P3H2: variants seen among roughly 807,000 people sequenced by gnomAD.
P3H2 encodes the protein prolyl 3-hydroxylase 2, also known as leprecan-like 1.
A neutral mutation model predicts 87.0 loss-of-function variants in P3H2; 80 were observed. The observed-to-expected ratio is 0.92, with a 90% CI of 0.77 to 1.11. The LOEUF is 1.11. Ranked by LOEUF, P3H2 falls within the 50% of genes least tolerant of loss-of-function variation. The pLI, the probability that P3H2 is intolerant of heterozygous loss-of-function variation, is 0.00. For synonymous variants in P3H2, 367 were observed against 359.3 expected (o/e 1.02, Z -0.24); for missense variants, 1,001 against 923.9 (o/e 1.08, Z -1.08).
chr3:189,960,786 T>C (rs536069555), intron 14 of P3H2, among the ~76,000 whole-genome samples: 38 of 152,304 alleles, frequency 2.5e-4, no homozygotes, highest in African/African-American at 8.9e-4. Context: ...ATTTTATGAA[T>C]TGAAAACAAA....
At chr3:189,983,220 G>A (rs1560347788) in intron 7 of P3H2, 80 bp from the exon 8 acceptor site, 1 of 1,029,124 alleles carries the variant, frequency 9.7e-7, no homozygotes, top group African/African-American at 1.6e-5. Flanking sequence ...TACCAAGGTA[G>A]TCTGTGACTC....
At chr3:189,984,729 C>T (rs558862180) in intron 6 of P3H2, 139 bp from the exon 7 acceptor site, 2 of 608,386 alleles carry the variant, frequency 3.3e-6, no homozygotes, top group Non-Finnish European at 5.7e-6. Flanking sequence ...TGTAAAGATA[C>T]AATATATTTA....
At chr3:189,970,293 A>G (rs1403084856) in intron 13 of P3H2, among the ~76,000 whole-genome samples, 1 of 138,660 alleles carries the variant, frequency 7.2e-6, no homozygotes, top group Non-Finnish European at 1.5e-5. Context: ...TATTATATAT[A>G]TATTTTTTAT....
chr3:190,032,419 C>T (rs766990905), intron 1 of P3H2, among the ~76,000 whole-genome samples: 8 of 151,904 alleles, frequency 5.3e-5, no homozygotes, highest in Non-Finnish European at 5.9e-5. Flanking sequence ...GTGATTTAGT[C>T]TCAAGAAATT....
At chr3:189,959,355 C>T (rs907445739) in intron 14 of P3H2, among the ~76,000 whole-genome samples, 3 of 150,900 alleles carry the variant, frequency 2.0e-5, no homozygotes, top group African/African-American at 7.3e-5. Context: ...GCTGCACCCA[C>T]TAACTCGTCA....
chr3:189,983,284 A>G (rs1283371767), intron 7 of P3H2, 144 bp from the exon 8 acceptor site: 2 of 647,448 alleles, frequency 3.1e-6, no homozygotes, highest in Middle Eastern at 4.1e-4. Context: ...AGTCAAATTA[A>G]ATGTCACTGC....
rs1560334750 is a variant in P3H2 at position 189,958,008 on chromosome 3, C to G, written c.2035-4G>C. The G allele has an allele frequency of 6.2e-7, 1 of 1,604,792 alleles. No homozygotes were observed. The highest frequency in any genetic ancestry group is 8.5e-7 in the Non-Finnish European group (1 of 1,171,522). Reference sequence around the variant, plus strand: ...CTTCATCAGCCTGTATTCGCTCCTGCAAAAAAGACAATTTACACATTTCTG... The same window carrying G: ...CTTCATCAGCCTGTATTCGCTCCTGGAAAAAAGACAATTTACACATTTCTG... On this transcript the variant is annotated splice_polypyrimidine_tract_variant and splice_region_variant and intron_variant, in intron 14 of 14. Coordinates refer to ENST00000319332, the MANE Select transcript of P3H2 (RefSeq NM_018192.4).
intron 1 of P3H2, among the ~76,000 whole-genome samples, chr3:189,999,178 C>A (rs568217621): frequency 6.6e-6 from 1 of 152,356 alleles, no homozygotes; most frequent in East Asian, 1.9e-4. Context: ...TTCCGTAGCT[C>A]TTGAAAACAG....
upstream of P3H2, chr3:190,121,235 A>T (rs1458029430): frequency 2.0e-5 from 3 of 152,776 alleles, no homozygotes; most frequent in Non-Finnish European, 4.4e-5. Flanking sequence ...TCACCTTCTA[A>T]ATGAAGCCTG....
Position 190,026,931 on chromosome 3 carries a change from T to A in P3H2, c.481-31489A>T, listed in dbSNP as rs967118. On this transcript the variant is annotated intron_variant, in intron 1 of 14. Coordinates refer to ENST00000319332, the MANE Select transcript of P3H2 (RefSeq NM_018192.4). ...AATATTTGCTGGGTGTATGAAGCTA[T>A]AAAATGAAAAGGGGATAAGCTAGGA... Among the ~76,000 whole-genome samples the A allele has an allele frequency of 6.6e-4, 101 of 152,210 alleles. No individual in the cohort carries two copies. In the South Asian group the frequency reaches 0.016, roughly 24 times the overall value.
At chr3:190,009,760 C>T (rs1005245613) in intron 1 of P3H2, among the ~76,000 whole-genome samples, 4 of 152,150 alleles carry the variant, frequency 2.6e-5, no homozygotes, top group African/African-American at 7.2e-5. Context: ...ATAATATAAG[C>T]AGCTTTTGTT....
chr3:189,989,589 C>A (rs1723815625), intron 3 of P3H2, among the ~76,000 whole-genome samples: 1 of 151,530 alleles, frequency 6.6e-6, no homozygotes, highest in Non-Finnish European at 1.5e-5. Context: ...AATAAAAACT[C>A]TTTTTTTTTA....
intron 1 of P3H2, among the ~76,000 whole-genome samples, chr3:190,024,970 A>C (rs951355230): frequency 1.3e-5 from 2 of 152,122 alleles, no homozygotes; most frequent in African/African-American, 4.8e-5. Flanking sequence ...GTCCAAAAAC[A>C]GACTGACTTA....
intron 1 of P3H2, among the ~76,000 whole-genome samples, chr3:190,009,489 T>C (rs769750239): frequency 3.9e-5 from 6 of 152,178 alleles, no homozygotes; most frequent in Non-Finnish European, 5.9e-5. Flanking sequence ...CTGAGTGTTA[T>C]GGAATCAACC....
intron 1 of P3H2, among the ~76,000 whole-genome samples, chr3:190,004,429 C>T (rs1050771017): frequency 2.6e-5 from 4 of 152,186 alleles, no homozygotes; most frequent in African/African-American, 9.6e-5. Context: ...GTCGCCCAGG[C>T]TGGAGTGCAG....
In P3H2 at chr3:189,984,658, GATAAA is replaced by G. The variant is rs1560348609; in HGVS notation, c.1189-73_1189-69del. 10 of 1,125,948 alleles carry G rather than the reference GATAAA, an allele frequency of 8.9e-6. No homozygotes were observed. The East Asian group carries it at 9.4e-5, about 11-fold the overall frequency. 69.7% of individuals were successfully genotyped at this position (1,125,948 alleles called of 1,614,324 possible). A position where few individuals can be genotyped will look rare whatever the true frequency, so the allele number is the denominator to read the frequency against. On this transcript the variant is annotated intron_variant, in intron 6 of 14. Coordinates refer to ENST00000319332, the MANE Select transcript of P3H2 (RefSeq NM_018192.4). ...ACTAAAACATCACTTACAGAATTAA[GATAAA>G]ATAAAATATGCACAAAACATTCAAA...
chr3:190,088,642 C>G (rs892071038), intron 1 of P3H2, among the ~76,000 whole-genome samples: 17 of 152,026 alleles, frequency 1.1e-4, no homozygotes, highest in Non-Finnish European at 2.4e-4. Context: ...AGAAGGAGGG[C>G]AAATGGGTAT....
chr3:190,080,296 T>A (rs1577313494), intron 1 of P3H2, among the ~76,000 whole-genome samples: 2 of 152,198 alleles, frequency 1.3e-5, no homozygotes, highest in Non-Finnish European at 2.9e-5. Context: ...CAGGCTTTAG[T>A]GTATGAAGGA....
At chr3:190,120,932 C>T (rs915195487), upstream of P3H2, 1 of 724,382 alleles carries the variant, frequency 1.4e-6, no homozygotes, top group African/African-American at 1.9e-5. Flanking sequence ...CTTAAAGGGA[C>T]GCCCACAGCT....
Sources: gnomAD v4.1 joint callset for allele counts (sites outside exome capture counted in the v4.1 genomes callset) on GRCh38, gnomAD v4.1.1 for gene constraint, MANE v1.5 for transcripts, NCBI Gene and HGNC (gene_info 2026-07-23, HGNC 2026-07-21) for gene names.